The following ATP6V0A4 variants were observed in gnomAD, a reference collection of about 807,000 sequenced individuals.
The protein encoded by ATP6V0A4 is V-type proton ATPase 116 kDa subunit a 4.
Under a neutral mutation model 107.3 loss-of-function variants are expected in ATP6V0A4, and 86 were observed. That is an observed-to-expected ratio of 0.80 (90% CI 0.67 to 0.96). ATP6V0A4 has a LOEUF of 0.96. ATP6V0A4 is among the 40% of genes least tolerant of loss of function. The pLI is 0.00. For missense variants in ATP6V0A4, 908 were observed against 1,045.6 expected, an observed-to-expected ratio of 0.87 and a Z score of 1.81; for synonymous variants, 353 against 381.4, an observed-to-expected ratio of 0.93 and a Z score of 0.87.
chr7:138,795,276 T>A (rs1808604283), intron 1 of ATP6V0A4, among the ~76,000 whole-genome samples: 1 of 152,138 alleles, frequency 6.6e-6, no homozygotes, highest in South Asian at 2.1e-4. Flanking sequence ...AAACAGCTCA[T>A]CTAAAACAGT....
intron 20 of ATP6V0A4, among the ~76,000 whole-genome samples, chr7:138,714,530 A>G (rs1184983994): frequency 6.6e-6 from 1 of 151,854 alleles, no homozygotes; most frequent in African/African-American, 2.4e-5. Flanking sequence ...ACATAGTGAG[A>G]CCTTGTCTCT....
At chr7:138,781,897 C>G (rs62486970) in intron 2 of ATP6V0A4, among the ~76,000 whole-genome samples, 5,649 of 142,866 alleles carry the variant, frequency 0.04, 138 homozygotes, top group African/African-American at 0.072. Flanking sequence ...AGGCTTGTCT[C>G]AAACTCCTGG....
chr7:138,777,367 C>A (rs940378723), intron 2 of ATP6V0A4, among the ~76,000 whole-genome samples: 8 of 152,114 alleles, frequency 5.3e-5, no homozygotes, highest in South Asian at 4.1e-4. Flanking sequence ...GTCATCCCAG[C>A]ACTTTGGGAG....
intron 15 of ATP6V0A4, among the ~76,000 whole-genome samples, chr7:138,735,190 T>C (rs1805253048): frequency 6.6e-6 from 1 of 152,110 alleles, no homozygotes; most frequent in Non-Finnish European, 1.5e-5. Flanking sequence ...TCACACTAGC[T>C]AAGGACCAGA....
At chr7:138,729,594 G>GT (rs1584904420) in intron 17 of ATP6V0A4, among the ~76,000 whole-genome samples, 1 of 151,944 alleles carries the variant, frequency 6.6e-6, no homozygotes. Flanking sequence ...ACATCCTCAC[G>GT]CCCCTGCCTC....
rs1321902144 is a variant in ATP6V0A4, at chr7:138,730,698, C to T, written c.1909-1836G>A. On this transcript the variant is annotated intron_variant, in intron 17 of 21. Transcript: ENST00000310018. ...TATTTTGGTGAATCTGAGTTCTCTG[C>T]CTTAAAACAGAAGAGTTATTTGGGA... Among the ~76,000 whole-genome samples the T allele has an allele frequency of 3.3e-5, 5 of 152,036 alleles. No individual in the cohort carries two copies. The East Asian group carries it at 5.8e-4, about 18-fold the overall frequency.
chr7:138,722,925 G>A (rs1462679933), intron 18 of ATP6V0A4, among the ~76,000 whole-genome samples: 1 of 151,240 alleles, frequency 6.6e-6, no homozygotes, highest in Non-Finnish European at 1.5e-5. Flanking sequence ...GGGCATGGTA[G>A]CACATGCCTG....
chr7:138,749,115 T>C, intron 12 of ATP6V0A4, 52 bp downstream of exon 12: 1 of 1,608,996 alleles, frequency 6.2e-7, no homozygotes, highest in South Asian at 1.1e-5. Flanking sequence ...GGGTCCATCT[T>C]ACCAGTTTTC....
At chr7:138,784,238 A>ACT (rs1554402588) in intron 2 of ATP6V0A4, among the ~76,000 whole-genome samples, 1 of 49,004 alleles carries the variant, frequency 2.0e-5, no homozygotes, top group Non-Finnish European at 3.8e-5. Flanking sequence ...ATATATACGT[A>ACT]TATATATATA....
At chr7:138,749,015 A>G in intron 12 of ATP6V0A4, 152 bp downstream of exon 12, 1 of 1,036,512 alleles carries the variant, frequency 9.6e-7, no homozygotes. Context: ...ACTTGCCCCT[A>G]CTATCCTACT....
At chr7:138,759,052 ATTT>A (rs33940158) in intron 8 of ATP6V0A4, among the ~76,000 whole-genome samples, 11 of 54,560 alleles carry the variant, frequency 2.0e-4, no homozygotes, top group African/African-American at 7.9e-4. Context: ...TGCCCAGCCT[ATTT>A]TTTTTTTTTT....
intron 2 of ATP6V0A4, among the ~76,000 whole-genome samples, chr7:138,779,368 A>G (rs1289631277): frequency 1.3e-5 from 2 of 151,970 alleles, no homozygotes; most frequent in African/African-American, 4.8e-5. Context: ...AAATAAATAA[A>G]AGATTGTAAT....
Position 138,732,682 on chromosome 7 carries a change from C to T in ATP6V0A4, c.1908+195G>A, listed in dbSNP as rs3778693. Among the ~76,000 whole-genome samples, 18,651 of 151,586 alleles carry T rather than the reference C, an allele frequency of 0.12. 2,082 individuals are homozygous for T. The highest frequency in any genetic ancestry group is 0.29 in the African/African-American group (12,176 of 41,278). On this transcript the variant is annotated intron_variant, in intron 17 of 21. Coordinates refer to ENST00000310018, the MANE Select transcript of ATP6V0A4 (RefSeq NM_020632.3). The stretch of plus-strand genomic sequence containing the variant: ...GGTGGCGTGCACCTGTAGTCCCAGC[C>T]ACTCAGGAGGCTGAGTCAGGAAAAT...
intron 13 of ATP6V0A4, among the ~76,000 whole-genome samples, chr7:138,746,498 A>G (rs1225765902): frequency 6.6e-6 from 1 of 150,446 alleles, no homozygotes; most frequent in Non-Finnish European, 1.5e-5. Flanking sequence ...GTAATAAAAC[A>G]TTGCAGATAT....
At chr7:138,726,059 G>T (rs1018892603) in intron 18 of ATP6V0A4, among the ~76,000 whole-genome samples, 1 of 151,706 alleles carries the variant, frequency 6.6e-6, no homozygotes, top group Non-Finnish European at 1.5e-5. Context: ...GTGCAATTTC[G>T]GCTCACTGCA....
chr7:138,768,104 T>G (rs918319302), intron 5 of ATP6V0A4, among the ~76,000 whole-genome samples: 3 of 152,096 alleles, frequency 2.0e-5, no homozygotes, highest in African/African-American at 7.2e-5. Flanking sequence ...CGGCTAATTT[T>G]TGTATATTTA....
rs1169798619 is a variant in ATP6V0A4, at chr7:138,773,178, C to T, written c.-17-1914G>A. Among the ~76,000 whole-genome samples the T allele has an allele frequency of 1.3e-5, 2 of 152,196 alleles. No individual in the cohort carries two copies. Among genetic ancestry groups the T allele is most frequent in the Admixed American group, 6.5e-5 (1 of 15,284 alleles). ...CACACAGGACCAACTCTAAAGTCCT[C>T]GAGCTGGCCAGCCGAAGGCTGCAGG... On this transcript the variant is annotated intron_variant, in intron 2 of 21. Coordinates refer to ENST00000310018, the MANE Select transcript of ATP6V0A4 (RefSeq NM_020632.3). The surrounding 1 kb of genome is among the most constrained non-coding windows in gnomAD (Gnocchi z 5.4).
chr7:138,734,301 A>G, intron 15 of ATP6V0A4, 47 bp from the exon 16 acceptor site: 1 of 1,609,410 alleles, frequency 6.2e-7, no homozygotes, highest in South Asian at 1.1e-5. Flanking sequence ...GAGTCTTAGA[A>G]GTTCTACTGG....
intron 14 of ATP6V0A4, among the ~76,000 whole-genome samples, chr7:138,740,796 T>A (rs1805600055): frequency 6.6e-6 from 1 of 151,138 alleles, no homozygotes; most frequent in Non-Finnish European, 1.5e-5. Context: ...GTTGAGTTGA[T>A]TTTTTTTTAA....
Sources: allele counts gnomAD v4.1 joint callset (sites outside exome capture counted in the v4.1 genomes callset), GRCh38; gene constraint gnomAD v4.1.1; non-coding constraint Gnocchi (gnomAD v3.1); transcripts MANE v1.5; gene names NCBI Gene and HGNC (gene_info 2026-07-23, HGNC 2026-07-21).